Variants in CTNNA1 observed in about 807,000 individuals in gnomAD.
CTNNA1 encodes the protein catenin alpha 1.
A neutral mutation model predicts 98.4 loss-of-function variants in CTNNA1; 37 were observed. The ratio of observed to expected loss-of-function variants is 0.38; its 90% CI spans 0.29 to 0.49. CTNNA1 has a LOEUF of 0.49. Ranked by LOEUF, CTNNA1 falls within the 20% of genes least tolerant of loss-of-function variation. The pLI is 0.95. For synonymous variants in CTNNA1, 404 were observed against 413.2 expected (o/e 0.98, Z 0.27); for missense variants, 761 against 1,147.2 (o/e 0.66, Z 4.86).
rs1753957914 is a variant in CTNNA1, at chr5:138,886,080, C to T, written c.1063-132C>T. ...AGCCACATAACACCCCTCTGCTCCC[C>T]AGTATTTTCCAACTTTGAGTTTAAG... On this transcript the variant is annotated intron_variant, in intron 7 of 17. Transcript: ENST00000302763. 23 of 928,616 alleles carry T rather than the reference C, an allele frequency of 2.5e-5. No homozygotes were observed. In the South Asian group the frequency reaches 3.8e-4, roughly 16 times the overall value. The allele number at this position is 928,616 out of a possible 1,614,324, so 57.5% of individuals were successfully genotyped here. A position where few individuals can be genotyped will look rare whatever the true frequency, so the allele number is the denominator to read the frequency against.
chr5:138,810,618 A>C (rs1758584914), intron 4 of CTNNA1, among the ~76,000 whole-genome samples: 1 of 152,358 alleles, frequency 6.6e-6, no homozygotes, highest in East Asian at 1.9e-4. Flanking sequence ...GTAAGGTCAC[A>C]GATCAACAGG....
intron 1 of CTNNA1, among the ~76,000 whole-genome samples, chr5:138,759,592 CCTT>C (rs1450649080): frequency 2.0e-5 from 3 of 152,110 alleles, no homozygotes; most frequent in African/African-American, 7.2e-5. Flanking sequence ...TAATGGCTAT[CCTT>C]CTCAGTGTCT....
intron 7 of CTNNA1, among the ~76,000 whole-genome samples, chr5:138,836,904 C>T (rs1761831298): frequency 6.6e-6 from 1 of 152,144 alleles, no homozygotes; most frequent in African/African-American, 2.4e-5. Flanking sequence ...TTTTTTCCCA[C>T]ATTTAAAAAA....
At chr5:138,843,416 A>G (rs1463869035) in intron 7 of CTNNA1, among the ~76,000 whole-genome samples, 1 of 152,110 alleles carries the variant, frequency 6.6e-6, no homozygotes, top group Non-Finnish European at 1.5e-5. Flanking sequence ...TGCCATATGT[A>G]CACCCTTCGG....
At chr5:138,925,470 A>G in intron 13 of CTNNA1, 63 bp downstream of exon 13, 5 of 1,581,210 alleles carry the variant, frequency 3.2e-6, no homozygotes, top group Non-Finnish European at 4.3e-6. Context: ...AACTTGAGCA[A>G]TGCGTCATTC....
At chr5:138,925,516 C>T (rs1453925538) in intron 13 of CTNNA1, 109 bp downstream of exon 13, 2 of 1,404,972 alleles carry the variant, frequency 1.4e-6, no homozygotes, top group East Asian at 2.3e-5. Flanking sequence ...TATATTAAAA[C>T]CATGAATCTA....
At chr5:138,799,624 C>A (rs907940888) in intron 3 of CTNNA1, among the ~76,000 whole-genome samples, 4 of 147,002 alleles carry the variant, frequency 2.7e-5, no homozygotes, top group African/African-American at 5.2e-5. Flanking sequence ...GTCTTAGTGT[C>A]ATTTTTTTTT....
chr5:138,769,379 GTTA>G lies in CTNNA1; in HGVS notation c.-2-12523_-2-12521del, dbSNP rs372870548. ...TTTTATTTTTATTTATTATTTTTGG[GTTA>G]TTATTATTATTATTATTATTTTTTG... On this transcript the variant is annotated intron_variant, in intron 1 of 17. Coordinates refer to ENST00000302763, the MANE Select transcript of CTNNA1 (RefSeq NM_001903.5). Among the ~76,000 whole-genome samples, 178 of 150,574 alleles carry G rather than the reference GTTA, an allele frequency of 1.2e-3. 1 individual carries two copies. Among genetic ancestry groups the G allele is most frequent in the Middle Eastern group, 3.4e-3 (1 of 292 alleles).
intron 3 of CTNNA1, among the ~76,000 whole-genome samples, chr5:138,787,852 A>C (rs1033390023): frequency 3.3e-5 from 5 of 152,220 alleles, no homozygotes; most frequent in African/African-American, 1.2e-4. Context: ...GCTGTAAGTG[A>C]TGTTAAAAAA....
intron 9 of CTNNA1, among the ~76,000 whole-genome samples, chr5:138,896,576 T>C (rs999653782): frequency 1.3e-5 from 2 of 152,194 alleles, no homozygotes; most frequent in African/African-American, 2.4e-5. Context: ...TTGTTTATCC[T>C]CAAGGCCAGT....
chr5:138,795,968 T>G (rs1756925632), intron 3 of CTNNA1, among the ~76,000 whole-genome samples: 1 of 152,202 alleles, frequency 6.6e-6, no homozygotes, highest in Non-Finnish European at 1.5e-5. Flanking sequence ...CTCACGTGGG[T>G]AGAGATATGT....
chr5:138,832,751 G>A (rs1163331894), intron 7 of CTNNA1, among the ~76,000 whole-genome samples: 4 of 152,038 alleles, frequency 2.6e-5, no homozygotes, highest in East Asian at 1.9e-4. Context: ...TGAAATATCC[G>A]TAGAACTAGG....
In CTNNA1 at chr5:138,772,735, A is replaced by G. The variant is rs376521154; in HGVS notation, c.-2-9188A>G. The stretch of plus-strand genomic sequence containing the variant: ...AAATTAAGTTTAATAAAACAATTCA[A>G]TGGCTGTTGAGTGACAACATAAATG... On this transcript the variant is annotated intron_variant, in intron 1 of 17. Transcript: ENST00000302763. Among the ~76,000 whole-genome samples, 12 of 152,324 alleles carry G rather than the reference A, an allele frequency of 7.9e-5. No individual in the cohort carries two copies. The East Asian group carries it at 1.2e-3, about 15-fold the overall frequency.
chr5:138,878,621 G>A (rs571928286), intron 7 of CTNNA1, among the ~76,000 whole-genome samples: 5 of 152,144 alleles, frequency 3.3e-5, no homozygotes, highest in Non-Finnish European at 7.4e-5. Context: ...GGCTGTAGTT[G>A]TCTGCATTCC....
intron 7 of CTNNA1, among the ~76,000 whole-genome samples, chr5:138,882,569 T>A (rs895093812): frequency 6.6e-6 from 1 of 152,166 alleles, no homozygotes; most frequent in African/African-American, 2.4e-5. Context: ...TTTTTGTAGG[T>A]TCACCTGGAA....
At chr5:138,905,191 A>G (rs562644134) in intron 10 of CTNNA1, among the ~76,000 whole-genome samples, 4 of 152,082 alleles carry the variant, frequency 2.6e-5, no homozygotes, top group African/African-American at 7.2e-5. Flanking sequence ...TCAGGAGGCT[A>G]TGGTGGGAGG....
intron 17 of CTNNA1, 74 bp from the exon 18 acceptor site, chr5:138,933,728 C>T (rs1765946101): frequency 1.3e-6 from 2 of 1,509,452 alleles, no homozygotes; most frequent in Admixed American, 1.9e-5. Flanking sequence ...GGCTCCCCTT[C>T]AAGCACAGCC....
chr5:138,830,166 CAA>C (rs113554684), intron 7 of CTNNA1, among the ~76,000 whole-genome samples: 39 of 135,678 alleles, frequency 2.9e-4, no homozygotes, highest in Admixed American at 2.9e-4. Context: ...GACTCCATCT[CAA>C]AAAAAAAAAA....
intron 3 of CTNNA1, among the ~76,000 whole-genome samples, chr5:138,791,615 C>CAAAAAAAAAAA (rs1181055311): frequency 2.5e-5 from 1 of 40,310 alleles, no homozygotes; most frequent in African/African-American, 1.1e-4. Context: ...GACTCCGTCT[C>CAAAAAAAAAAA]AAAAAAAAAA....
Sources: gnomAD v4.1 joint callset for allele counts (sites outside exome capture counted in the v4.1 genomes callset) on GRCh38, gnomAD v4.1.1 for gene constraint, MANE v1.5 for transcripts, NCBI Gene and HGNC (gene_info 2026-07-23, HGNC 2026-07-21) for gene names.